The following ADARB1 variants were observed in gnomAD, a reference collection of about 807,000 sequenced individuals.
The protein encoded by ADARB1 is double-stranded RNA-specific editase 1.
ADARB1 carries 10 observed loss-of-function variants against 52.4 expected under a neutral mutation model. That is an observed-to-expected ratio of 0.19 (90% confidence interval 0.12 to 0.32). The LOEUF is 0.32. ADARB1 is among the 10% of genes least tolerant of loss of function. ADARB1 has a pLI of 1.00. For missense variants in ADARB1, 643 were observed against 922.3 expected (o/e 0.70, Z 3.92); for synonymous variants, 349 against 371.1 (o/e 0.94, Z 0.68).
chr21:45,199,339 C>T (rs912561503), intron 8 of ADARB1, among the ~76,000 whole-genome samples: 1 of 152,200 alleles, frequency 6.6e-6, no homozygotes. Context: ...TCATCCAGAG[C>T]TCAGGCACAG....
intron 1 of ADARB1, among the ~76,000 whole-genome samples, chr21:45,102,595 G>T (rs1265784962): frequency 6.6e-6 from 1 of 152,230 alleles, no homozygotes; most frequent in Non-Finnish European, 1.5e-5. Flanking sequence ...ACATCAATGG[G>T]TGGTGTCAAA....
Position 45,214,979 on chromosome 21 carries a change from A to G in ADARB1, c.1748-5857A>G, listed in dbSNP as rs759040502. ...TGATGACAGCAGACATCCTTCTCTT[A>G]CATGTCATCTTGGGGGAACACATTC... On this transcript the variant is annotated intron_variant, in intron 9 of 10. Transcript: ENST00000348831. 9.9e-5 allele frequency among the ~76,000 whole-genome samples: 15 copies of G among 152,152 alleles called. 1 individual carries two copies. The highest frequency in any genetic ancestry group is 1.9e-4 in the Non-Finnish European group (13 of 68,016).
Position 45,222,045 on chromosome 21 carries a change from A to T in ADARB1, c.1954A>T (p.Ile652Phe). 6.2e-7 allele frequency: 1 copy of T among 1,613,762 alleles called. No homozygotes were observed. The highest frequency in any genetic ancestry group is 8.5e-7 in the Non-Finnish European group (1 of 1,179,974). ...TCCCTCCCACTTACTACGCTCCAAG[A>T]TTACCAAGCCCAACGTGTACCATGA... is the stretch of plus-strand genomic sequence containing the variant. ...KVPSHLLRSK[I>F]TKPNVYHESK... The change falls in exon 11 of 11, where the codon ATT becomes TTT. Residue 652 changes from isoleucine (I) to phenylalanine (F), a missense_variant. Transcript: ENST00000348831.
intron 1 of ADARB1, among the ~76,000 whole-genome samples, chr21:45,113,401 C>T (rs377355891): frequency 8.6e-5 from 13 of 151,350 alleles, no homozygotes; most frequent in East Asian, 3.9e-4. Context: ...CCAGCCTGGG[C>T]GACAGAGCAA....
intron 9 of ADARB1, among the ~76,000 whole-genome samples, chr21:45,212,512 G>A (rs186435121): frequency 2.6e-5 from 4 of 152,274 alleles, no homozygotes; most frequent in Admixed American, 2.6e-4. Flanking sequence ...ATCAGTAAAT[G>A]CAGGAACAGT....
intron 1 of ADARB1, among the ~76,000 whole-genome samples, chr21:45,111,512 T>C (rs536179101): frequency 6.6e-6 from 1 of 152,296 alleles, no homozygotes; most frequent in African/African-American, 2.4e-5. Context: ...CTCTTAGTGT[T>C]GGACGTTCTA....
intron 1 of ADARB1, among the ~76,000 whole-genome samples, chr21:45,099,663 C>T (rs935420711): frequency 9.9e-5 from 15 of 152,146 alleles, no homozygotes; most frequent in African/African-American, 1.4e-4. Flanking sequence ...TAAAAATTTA[C>T]AATTTATGTT....
chr21:45,109,514 G>T (rs1207658740), intron 1 of ADARB1, among the ~76,000 whole-genome samples: 1 of 152,338 alleles, frequency 6.6e-6, no homozygotes, highest in Admixed American at 6.5e-5. Flanking sequence ...GAGGCTGGTT[G>T]GTTTTTTCTG....
rs891060031 is a variant in ADARB1, at chr21:45,198,712, A to G, written c.1566-5843A>G. Among the ~76,000 whole-genome samples the G allele has an allele frequency of 3.9e-5, 6 of 152,318 alleles. No homozygotes were observed. The South Asian group carries it at 1.2e-3, about 32-fold the overall frequency. ...AATTCTGCAGCTCATTGTGTGGCTC[A>G]TAACTCAAAGGTTACTACAACCTTT... On this transcript the variant is annotated intron_variant, in intron 8 of 10. Transcript: ENST00000348831.
chr21:45,154,132 A>G (rs901898325), intron 2 of ADARB1, among the ~76,000 whole-genome samples: 1 of 152,210 alleles, frequency 6.6e-6, no homozygotes, highest in African/African-American at 2.4e-5. Context: ...CATGCATTCC[A>G]TAATCTCATT....
At chr21:45,116,427 T>C (rs2087830111) in intron 1 of ADARB1, among the ~76,000 whole-genome samples, 1 of 152,270 alleles carries the variant, frequency 6.6e-6, no homozygotes, top group Non-Finnish European at 1.5e-5. Flanking sequence ...CTGTGCAGAC[T>C]TTGCAGAAAT....
intron 2 of ADARB1, among the ~76,000 whole-genome samples, chr21:45,136,054 C>T (rs968473046): frequency 2.6e-5 from 4 of 152,174 alleles, no homozygotes; most frequent in African/African-American, 9.7e-5. Flanking sequence ...TGTGGTGTCC[C>T]TGGGCCCATG....
intron 1 of ADARB1, among the ~76,000 whole-genome samples, chr21:45,085,121 G>A (rs371071428): frequency 1.3e-5 from 2 of 152,208 alleles, no homozygotes; most frequent in Non-Finnish European, 2.9e-5. Context: ...TTGTGTCATT[G>A]TTTTCCCTTT....
intron 2 of ADARB1, among the ~76,000 whole-genome samples, chr21:45,166,547 T>C (rs1217972746): frequency 1.3e-5 from 2 of 152,272 alleles, no homozygotes; most frequent in African/African-American, 4.8e-5. Flanking sequence ...ACATTGACCC[T>C]CTTTGTCCGT....
rs147519646 is a variant in ADARB1 at position 45,091,176 on chromosome 21, G to A, written c.-220+16383G>A. 3.4e-3 allele frequency among the ~76,000 whole-genome samples: 513 copies of A among 152,244 alleles called. 4 individuals carry two copies. Among genetic ancestry groups the A allele is most frequent in the African/African-American group, 0.012 (491 of 41,550 alleles). On this transcript the variant is annotated intron_variant, in intron 1 of 10. Transcript: ENST00000348831. Reference sequence around the variant, plus strand: ...ATGTTCTGCTATGTCTTTAAGTCACGTGTTTTTTCTATTTGACCGTCCTTG... The same window carrying A: ...ATGTTCTGCTATGTCTTTAAGTCACATGTTTTTTCTATTTGACCGTCCTTG...
rs1221784844 is a variant in ADARB1, at chr21:45,128,204, A to AGACG, written c.-219-191_-219-188dup. Among the ~76,000 whole-genome samples, 4 of 152,256 alleles carry AGACG rather than the reference A, an allele frequency of 2.6e-5. No individual in the cohort carries two copies. Among genetic ancestry groups the AGACG allele is most frequent in the African/African-American group, 9.6e-5 (4 of 41,478 alleles). ...ACAGGTGCCTCTACCTGCTGCAGGCAGACGGACGGAGACGTGATGGATTGC... is the reference window on the plus strand; with the variant it reads ...ACAGGTGCCTCTACCTGCTGCAGGCAGACGGACGGACGGAGACGTGATGGATTGC... On this transcript the variant is annotated intron_variant, in intron 1 of 10. Coordinates refer to ENST00000348831, the MANE Select transcript of ADARB1 (RefSeq NM_001112.4). This position sits in a 1 kb window ranked among gnomAD's most constrained non-coding sequence, Gnocchi z 4.6.
chr21:45,156,349 A>G (rs892157195), intron 2 of ADARB1, among the ~76,000 whole-genome samples: 3 of 134,356 alleles, frequency 2.2e-5, no homozygotes, highest in Admixed American at 7.4e-5. Flanking sequence ...TCATCCATCT[A>G]TCCATCCACC....
At chr21:45,077,948 C>T (rs1433017230) in intron 1 of ADARB1, among the ~76,000 whole-genome samples, 1 of 152,168 alleles carries the variant, frequency 6.6e-6, no homozygotes, top group Non-Finnish European at 1.5e-5. Context: ...CAGTAGCCCA[C>T]AGAGGTCTTC....
Position 45,208,164 on chromosome 21 carries a change from T to G in ADARB1, c.1747+3428T>G, listed in dbSNP as rs1039555903. On this transcript the variant is annotated intron_variant, in intron 9 of 10. Transcript: ENST00000348831. This position sits in a 1 kb window ranked among gnomAD's most constrained non-coding sequence, Gnocchi z 5.6. Reference sequence around the variant, plus strand: ...TATTTATGTCCATTGATCTCCTGAGTGTGAGCTCCTCAGCTGGCCCAGTTT... The same window carrying G: ...TATTTATGTCCATTGATCTCCTGAGGGTGAGCTCCTCAGCTGGCCCAGTTT... Among the ~76,000 whole-genome samples the G allele has an allele frequency of 1.3e-5, 2 of 152,154 alleles. No individual in the cohort carries two copies. The highest frequency in any genetic ancestry group is 2.9e-5 in the Non-Finnish European group (2 of 68,020).
Sources: allele counts gnomAD v4.1 joint callset (sites outside exome capture counted in the v4.1 genomes callset), GRCh38; gene constraint gnomAD v4.1.1; non-coding constraint Gnocchi (gnomAD v3.1); transcripts MANE v1.5; gene names NCBI Gene and HGNC (gene_info 2026-07-23, HGNC 2026-07-21).